ULK1: variants seen among roughly 807,000 people sequenced by gnomAD.
ULK1 encodes the protein unc-51 like autophagy activating kinase 1.
In ULK1, 48 loss-of-function variants were observed where a neutral mutation model predicts 117.5. The observed-to-expected ratio is 0.41, with a 90% CI of 0.32 to 0.52. ULK1 has a LOEUF of 0.52. ULK1 is among the 20% of genes least tolerant of loss of function. The pLI is 0.29. For synonymous variants in ULK1, 790 were observed against 637.8 expected, an observed-to-expected ratio of 1.24 and a Z score of -3.60; for missense variants, 1,387 against 1,473.4, an observed-to-expected ratio of 0.94 and a Z score of 0.96.
At position 131,910,733 on chromosome 12, in the gene ULK1, C is replaced by T. The variant is rs1555264530; in HGVS notation, c.881C>T (p.Ser294Leu). The T allele has an allele frequency of 1.8e-5, 29 of 1,612,936 alleles. No homozygotes were observed. The highest frequency in any genetic ancestry group is 2.0e-5 in the Non-Finnish European group (24 of 1,179,924). ...TCAGCCCCACCCGTGCCTGTGCCCT[C>T]GTACCCAAGCTCGGGGTCCGGCAGC... ...VRKSPPVPVP[S>L]YPSSGSGSSS... Residue 294 changes from serine (S) to leucine (L), a missense_variant, in exon 12 of 28, where the codon TCG (serine) becomes TTG (leucine). By Grantham distance (145) the Ser-to-Leu change is moderately radical. Transcript: ENST00000321867.
chr12:131,917,272 G>GGA (rs1889876045), intron 21 of ULK1, 139 bp from the exon 22 acceptor site: 3 of 828,244 alleles, frequency 3.6e-6, no homozygotes, highest in Non-Finnish European at 3.2e-6. Flanking sequence ...GACGGGGGTC[G>GGA]GGTTCGGCTC....
At chr12:131,905,043 G>T (rs7961860) in intron 3 of ULK1, among the ~76,000 whole-genome samples, 3,880 of 152,268 alleles carry the variant, frequency 0.025, 142 homozygotes, top group African/African-American at 0.083. Context: ...GGGTGCACAG[G>T]CTGTGGGTGG....
At chr12:131,907,394 C>A (rs1440783683) in intron 4 of ULK1, 101 bp from the exon 5 acceptor site, 1 of 1,477,602 alleles carries the variant, frequency 6.8e-7, no homozygotes, top group Non-Finnish European at 9.2e-7. Flanking sequence ...CCTGCGGGCT[C>A]AGGGAGTAGT....
In ULK1 at chr12:131,910,000, C is replaced by G; in HGVS notation, c.807C>G (p.Phe269Leu). ...GCAACCACAAGGACCGCATGGACTT[C>G]GGTGAGCACCCACCAGGGGCGCAGC... is the stretch of plus-strand genomic sequence containing the variant. ...LQRNHKDRMD[F>L]DEFFHHPFLD... The change falls in exon 10 of 28, where the codon TTC becomes TTG. Residue 269 changes from phenylalanine to leucine, a missense_variant and splice_region_variant. Physicochemically the swap from Phe to Leu is conservative, Grantham distance 22. Transcript: ENST00000321867. The G allele has an allele frequency of 1.2e-6, 2 of 1,611,668 alleles. No homozygotes were observed. The highest frequency in any genetic ancestry group is 1.7e-6 in the Non-Finnish European group (2 of 1,179,804).
chr12:131,906,096 C>T (rs564805371), intron 3 of ULK1, among the ~76,000 whole-genome samples: 1 of 151,394 alleles, frequency 6.6e-6, no homozygotes, highest in Admixed American at 6.6e-5. Flanking sequence ...AATCTGTTGG[C>T]GTCTTCTTTT....
rs1371318983 is a variant in ULK1, at chr12:131,917,543, G to A, written c.2315G>A (p.Arg772Lys). 1.4e-6 allele frequency: 2 copies of A among 1,439,638 alleles called. No homozygotes were observed. Among genetic ancestry groups the A allele is most frequent in the Admixed American group, 2.6e-5 (1 of 38,348 alleles). The allele number at this position is 1,439,638 out of a possible 1,614,324, so 89.2% of individuals were successfully genotyped here. The change falls in exon 22 of 28, where the codon AGG becomes AAG. Residue 772 changes from arginine to lysine, a missense_variant. Around this residue, in one of 4 missense-constraint regions of ULK1, gnomAD observed 900 missense variants for 858.9 expected, o/e 1.05. Coordinates refer to ENST00000321867, the MANE Select transcript of ULK1 (RefSeq NM_003565.4). Reference sequence around the variant, plus strand: ...ACGCCCCCCCAGGGCCCCCGCACCAGGATGTTCTCAGGTGAGGGCTGGCTA... The same window carrying A: ...ACGCCCCCCCAGGGCCCCCGCACCAAGATGTTCTCAGGTGAGGGCTGGCTA... ...GSTPPQGPRTRMFSAGPTGSA... is the reference protein window; with the variant it reads ...GSTPPQGPRTKMFSAGPTGSA...
rs1019436453 is a variant in ULK1, at chr12:131,909,825, G to A, written c.717G>A (p.Leu239=). The change falls in exon 9 of 28, where the codon TTG becomes TTA. Residue 239 remains leucine, a synonymous_variant. Transcript: ENST00000321867. ...TGTTCTACGAGAAGAACAAGACGTT[G>A]GTCCCCACGTAAGCACCCTCCCGCC... ...LRLFYEKNKT[L]VPTIPRETSA... 23 of 1,611,626 alleles carry A rather than the reference G, an allele frequency of 1.4e-5. No individual in the cohort carries two copies. The highest frequency in any genetic ancestry group is 2.0e-5 in the Non-Finnish European group (23 of 1,179,450).
At chr12:131,910,124 A>G in intron 10 of ULK1, 123 bp downstream of exon 10, 1 of 1,564,032 alleles carries the variant, frequency 6.4e-7, no homozygotes, top group South Asian at 1.1e-5. Flanking sequence ...CCACAAGCCA[A>G]GCGCAGGCAG....
intron 4 of ULK1, among the ~76,000 whole-genome samples, chr12:131,907,170 C>T (rs536464288): frequency 1.2e-4 from 18 of 152,288 alleles, no homozygotes; most frequent in African/African-American, 4.3e-4. Context: ...CAGGTGTGTG[C>T]CACCACGCCC....
chr12:131,895,765 C>T lies in ULK1; in HGVS notation c.205-18C>T, dbSNP rs1888840568. On this transcript the variant is annotated intron_variant, in intron 2 of 27. Coordinates refer to ENST00000321867, the MANE Select transcript of ULK1 (RefSeq NM_003565.4). ...CCCCCCTCCCCACACTGATAACAAACTTGGGTTTCTGTCCTAGGAACTGAA... is the reference window on the plus strand; with the variant it reads ...CCCCCCTCCCCACACTGATAACAAATTTGGGTTTCTGTCCTAGGAACTGAA... The T allele has an allele frequency of 1.2e-6, 2 of 1,614,052 alleles. No homozygotes were observed. The highest frequency in any genetic ancestry group is 2.2e-5 in the East Asian group (1 of 44,856).
intron 15 of ULK1, 88 bp downstream of exon 15, chr12:131,913,924 G>A: frequency 8.3e-7 from 1 of 1,202,500 alleles, no homozygotes; most frequent in Non-Finnish European, 1.1e-6. Context: ...GCCAGCCCAG[G>A]CCTGCTGTGT....
Position 131,895,544 on chromosome 12 carries a change from C to T in ULK1, c.112-57C>T. ...GGGCCCCACCTGTGTGGACTGGGGT[C>T]TGGGGGAGGCCTGCGAGGGGCAGCC... On this transcript the variant is annotated intron_variant, in intron 1 of 27. Transcript: ENST00000321867. 2.7e-6 allele frequency: 4 copies of T among 1,477,652 alleles called. 1 individual carries two copies. In the South Asian group the frequency reaches 4.6e-5, roughly 17 times the overall value. The allele number at this position is 1,477,652 out of a possible 1,614,324, so 91.5% of individuals were successfully genotyped here. A position where few individuals can be genotyped will look rare whatever the true frequency, so the allele number is the denominator to read the frequency against.
chr12:131,919,848 A>G, intron 25 of ULK1, 131 bp from the exon 26 acceptor site: 1 of 1,369,262 alleles, frequency 7.3e-7, no homozygotes, highest in Non-Finnish European at 9.9e-7. Flanking sequence ...CACACCCTCA[A>G]GGCCACGGGG....
chr12:131,894,931 CGCGCCT>C lies in ULK1; in HGVS notation c.-70_-65del. On this transcript the variant is annotated 5_prime_UTR_variant, in exon 1 of 28. Transcript: ENST00000321867. ...CGCCCCCGGCCCGCCCGCCCCGGCCCGCGCCTCCGCCTGAGTCCCCCGCGCCTTGGC... is the reference window on the plus strand; with the variant it reads ...CGCCCCCGGCCCGCCCGCCCCGGCCCCCGCCTGAGTCCCCCGCGCCTTGGC... 2.6e-6 allele frequency: 1 copy of C among 382,400 alleles called. No individual in the cohort carries two copies. Among genetic ancestry groups the C allele is most frequent in the Non-Finnish European group, 3.5e-6 (1 of 284,420 alleles). The allele number at this position is 382,400 out of a possible 1,614,324, so 23.7% of individuals were successfully genotyped here.
chr12:131,912,482 A>G (rs1158911182), intron 13 of ULK1, among the ~76,000 whole-genome samples: 2 of 152,164 alleles, frequency 1.3e-5, no homozygotes, highest in African/African-American at 4.8e-5. Flanking sequence ...CCCCCGCTCC[A>G]TAATGGCCAG....
Position 131,907,598 on chromosome 12 carries a change from T to C in ULK1, c.316+67T>C, listed in dbSNP as rs1203894347. 6.4e-6 allele frequency: 10 copies of C among 1,552,680 alleles called. No homozygotes were observed. In the South Asian group the frequency reaches 8.1e-5, roughly 13 times the overall value. ...ACAGGGCCCGCACCCAGGGCCACAC[T>C]GGCCCAGTCTGGGAGGCAGCCTGGC... On this transcript the variant is annotated intron_variant, in intron 5 of 27. Coordinates refer to ENST00000321867, the MANE Select transcript of ULK1 (RefSeq NM_003565.4).
At chr12:131,895,142 C>G in intron 1 of ULK1, 30 bp downstream of exon 1, 1 of 1,456,510 alleles carries the variant, frequency 6.9e-7, no homozygotes, top group Non-Finnish European at 9.1e-7. Context: ...CGGGATCCCC[C>G]GCCCAGGATC....
At chr12:131,910,067 C>T in intron 10 of ULK1, 66 bp downstream of exon 10, 2 of 1,587,374 alleles carry the variant, frequency 1.3e-6, no homozygotes, top group South Asian at 1.1e-5. Context: ...CTGATGTGAG[C>T]AGGGCCCACC....
rs113866357 is a variant in ULK1, at chr12:131,918,953, G to A, written c.2512-259G>A. Reference sequence around the variant, plus strand: ...GTGTGGGGTGCAGGGTGTGTGGGGTGCAGGGTGTGGGGTGCAGGGTGTGTG... The same window carrying A: ...GTGTGGGGTGCAGGGTGTGTGGGGTACAGGGTGTGGGGTGCAGGGTGTGTG... On this transcript the variant is annotated intron_variant, in intron 23 of 27. Transcript: ENST00000321867. Among the ~76,000 whole-genome samples, 756 of 130,164 alleles carry A rather than the reference G, an allele frequency of 5.8e-3. 20 individuals are homozygous for A. The highest frequency in any genetic ancestry group is 0.022 in the African/African-American group (730 of 33,500). 85.4% of individuals were successfully genotyped at this position (130,164 alleles called of 152,430 possible).
Sources: gnomAD v4.1 joint callset for allele counts (sites outside exome capture counted in the v4.1 genomes callset) on GRCh38, gnomAD v4.1.1 for gene constraint, gnomAD v4.1.1 regional missense constraint, MANE v1.5 for transcripts, NCBI Gene and HGNC (gene_info 2026-07-23, HGNC 2026-07-21) for gene names.